The following SLC38A9 variants were observed in gnomAD, a reference collection of about 807,000 sequenced individuals.
SLC38A9 encodes solute carrier family 38 member 9, also known as neutral amino acid transporter 9.
SLC38A9 carries 48 observed loss-of-function variants against 62.3 expected under a neutral mutation model. The ratio of observed to expected loss-of-function variants is 0.77; its 90% CI spans 0.61 to 0.98. The LOEUF is 0.98. Ranked by LOEUF, SLC38A9 falls within the 50% of genes least tolerant of loss-of-function variation. The pLI, the probability that SLC38A9 is intolerant of heterozygous loss-of-function variation, is 0.00. For synonymous variants in SLC38A9, 204 were observed against 227.7 expected (o/e 0.90, Z 0.94); for missense variants, 541 against 679.8 (o/e 0.80, Z 2.27).
chr5:55,660,888 A>T (rs1002965041), intron 8 of SLC38A9, among the ~76,000 whole-genome samples: 1 of 152,196 alleles, frequency 6.6e-6, no homozygotes, highest in African/African-American at 2.4e-5. Context: ...TAGATGATTT[A>T]AAAATGACGG....
chr5:55,666,749 C>G (rs1029655820), intron 7 of SLC38A9, among the ~76,000 whole-genome samples: 1 of 151,712 alleles, frequency 6.6e-6, no homozygotes, highest in Non-Finnish European at 1.5e-5. Context: ...CAAAAATTGC[C>G]AGGCACAGTG....
At position 55,645,880 on chromosome 5, in the gene SLC38A9, A is replaced by G. The variant is rs774469328; in HGVS notation, c.1076T>C (p.Phe359Ser). 53 of 1,604,688 alleles carry G rather than the reference A, an allele frequency of 3.3e-5. No homozygotes were observed. Among genetic ancestry groups the G allele is most frequent in the Middle Eastern group, 1.6e-4 (1 of 6,068 alleles). Residue 359 changes from phenylalanine (F) to serine (S), a missense_variant, in exon 12 of 16, where the codon TTT becomes TCT. By Grantham distance (155) the Phe-to-Ser change is radical (BLOSUM62 -2). Coordinates refer to ENST00000396865, the MANE Select transcript of SLC38A9 (RefSeq NM_173514.4). ...GGTAAGCACTCCAGTCAGCTGTGGA[A>G]ACTGAAATCTTATCTCTAGGAGAAA... ...EFFVPEIRFQ[F>S]PQLTGVLTLA...
At chr5:55,637,595 G>A (rs73123882) in intron 12 of SLC38A9, among the ~76,000 whole-genome samples, 6,435 of 152,212 alleles carry the variant, frequency 0.042, 219 homozygotes, top group African/African-American at 0.091. Context: ...GAGAGACCAC[G>A]TCTTTTTCTT....
chr5:55,684,677 G>A (rs11739117), intron 3 of SLC38A9, among the ~76,000 whole-genome samples: 91,162 of 152,016 alleles, frequency 0.6, 27,922 homozygotes, highest in South Asian at 0.7. Context: ...TTTCTGAGAT[G>A]GAGTCTCACT....
chr5:55,677,687 G>A (rs1159046246), intron 3 of SLC38A9, among the ~76,000 whole-genome samples: 1 of 150,086 alleles, frequency 6.7e-6, no homozygotes, highest in African/African-American at 2.4e-5. Context: ...GTGCACCACC[G>A]TGCCCAGCTA....
rs1742445631 is a variant in SLC38A9, at chr5:55,626,551, G to C, written c.1629C>G (p.Phe543Leu). ...EERLTWPKLIFHVFIIILGVA... is the reference protein window; with the variant it reads ...EERLTWPKLILHVFIIILGVA... ...CGCCCAAAATGATGATGAAAACGTG[G>C]AAGATTAATTTAGGCCATGTCAGAC... is the stretch of plus-strand genomic sequence containing the variant. Residue 543 changes from phenylalanine (F) to leucine (L), a missense_variant, in exon 16 of 16, where the codon TTC becomes TTG. Phe to Leu is a conservative substitution (Grantham distance 22). Transcript: ENST00000396865. The C allele has an allele frequency of 1.2e-6, 2 of 1,613,456 alleles. No individual in the cohort carries two copies. Among genetic ancestry groups the C allele is most frequent in the African/African-American group, 1.3e-5 (1 of 74,842 alleles).
chr5:55,684,420 A>G (rs1315329888), intron 3 of SLC38A9, among the ~76,000 whole-genome samples: 1 of 152,236 alleles, frequency 6.6e-6, no homozygotes, highest in East Asian at 1.9e-4. Flanking sequence ...GACAGGAGCA[A>G]TCCTAGATCA....
At chr5:55,669,644 T>TAA in intron 5 of SLC38A9, 24 bp from the exon 6 acceptor site, 2 of 1,595,536 alleles carry the variant, frequency 1.3e-6, no homozygotes, top group South Asian at 2.3e-5. Flanking sequence ...GTAATAGCAG[T>TAA]AAAAAAATGG....
At chr5:55,687,630 T>C (rs187563895) in intron 3 of SLC38A9, among the ~76,000 whole-genome samples, 180 of 152,228 alleles carry the variant, frequency 1.2e-3, no homozygotes, top group African/African-American at 4.0e-3. Flanking sequence ...CAGTTTGTAG[T>C]TCTCCTTGTA....
chr5:55,652,834 A>T, intron 9 of SLC38A9, 111 bp from the exon 10 acceptor site: 1 of 791,020 alleles, frequency 1.3e-6, no homozygotes, highest in Non-Finnish European at 1.9e-6. Context: ...ACCAACCTCA[A>T]CTCTTCCTAG....
Position 55,649,318 on chromosome 5 carries a change from T to C in SLC38A9, c.953-4A>G. On this transcript the variant is annotated splice_region_variant and splice_polypyrimidine_tract_variant and intron_variant, in intron 10 of 15. Coordinates refer to ENST00000396865, the MANE Select transcript of SLC38A9 (RefSeq NM_173514.4). ...AAATAAAGGACAGACACTGTGCCTG[T>C]GAGGAAAAAATTCAGAAACCATTTA... 1 of 1,533,574 alleles carries C rather than the reference T, an allele frequency of 6.5e-7. No individual in the cohort carries two copies. Among genetic ancestry groups the C allele is most frequent in the Non-Finnish European group, 8.8e-7 (1 of 1,138,468 alleles). The allele number at this position is 1,533,574 out of a possible 1,614,324, so 95.0% of individuals were successfully genotyped here.
At position 55,632,466 on chromosome 5, in the gene SLC38A9, C is replaced by CAA. The variant is rs745573029; in HGVS notation, c.1430+1286_1430+1287dup. 6.9e-3 allele frequency among the ~76,000 whole-genome samples: 1,055 copies of CAA among 152,120 alleles called. 12 individuals are homozygous for CAA. The highest frequency in any genetic ancestry group is 0.024 in the African/African-American group (1,002 of 41,480). Reference sequence around the variant, plus strand: ...AAACAAAAACAAACAACAACAACAACAAAAACTGCATAAATGTTAATGAAT... The same window carrying CAA: ...AAACAAAAACAAACAACAACAACAACAAAAAAACTGCATAAATGTTAATGAAT... On this transcript the variant is annotated intron_variant, in intron 14 of 15. Coordinates refer to ENST00000396865, the MANE Select transcript of SLC38A9 (RefSeq NM_173514.4).
rs557602760 is a variant in SLC38A9 at position 55,654,500 on chromosome 5, G to A, written c.758-1777C>T. ...ATGGGATGTAGTTCCAGCTACTCGGGAGGTGGAGGTGGGAGGATTGCTGAA... is the reference window on the plus strand; with the variant it reads ...ATGGGATGTAGTTCCAGCTACTCGGAAGGTGGAGGTGGGAGGATTGCTGAA... On this transcript the variant is annotated intron_variant, in intron 9 of 15. Coordinates refer to ENST00000396865, the MANE Select transcript of SLC38A9 (RefSeq NM_173514.4). Among the ~76,000 whole-genome samples the A allele has an allele frequency of 3.9e-5, 6 of 152,186 alleles. No homozygotes were observed. The East Asian group carries it at 1.2e-3, about 29-fold the overall frequency.
intron 3 of SLC38A9, among the ~76,000 whole-genome samples, chr5:55,682,555 G>C (rs1473840283): frequency 6.6e-6 from 1 of 152,176 alleles, no homozygotes; most frequent in Non-Finnish European, 1.5e-5. Context: ...CATGAGGACT[G>C]ATTGAGGCCG....
At chr5:55,645,148 CT>C (rs1746123353) in intron 12 of SLC38A9, among the ~76,000 whole-genome samples, 1 of 152,166 alleles carries the variant, frequency 6.6e-6, no homozygotes, top group Non-Finnish European at 1.5e-5. Context: ...ACAGCCTTGG[CT>C]TCCTGGGCTT....
intron 7 of SLC38A9, 115 bp from the exon 8 acceptor site, chr5:55,664,978 C>T (rs1455503334): frequency 9.5e-6 from 5 of 527,778 alleles, no homozygotes; most frequent in South Asian, 3.9e-5. Flanking sequence ...GGTATTCTAT[C>T]GCTAGACATT....
intron 3 of SLC38A9, among the ~76,000 whole-genome samples, chr5:55,694,747 C>T (rs1349596089): frequency 6.9e-6 from 1 of 143,958 alleles, no homozygotes; most frequent in Admixed American, 7.0e-5. Context: ...TTCTCCTCTC[C>T]TCTCCTCTCC....
At chr5:55,633,968 A>G (rs1743945029) in intron 13 of SLC38A9, 66 bp from the exon 14 acceptor site, 2 of 1,278,714 alleles carry the variant, frequency 1.6e-6, no homozygotes, top group Non-Finnish European at 2.2e-6. Flanking sequence ...CATAAAATGG[A>G]ATGTCTTCTG....
In SLC38A9 at chr5:55,667,306, T is replaced by C. The variant is rs77613332; in HGVS notation, c.526+1922A>G. Among the ~76,000 whole-genome samples, 997 of 152,338 alleles carry C rather than the reference T, an allele frequency of 6.5e-3. 13 individuals are homozygous for C. The highest frequency in any genetic ancestry group is 0.023 in the African/African-American group (966 of 41,586). On this transcript the variant is annotated intron_variant, in intron 7 of 15. Coordinates refer to ENST00000396865, the MANE Select transcript of SLC38A9 (RefSeq NM_173514.4). Reference sequence around the variant, plus strand: ...TATTTCTATGTTTTCTTGACTTTAATGAAAACTGCTTTAGCATTTCATAAT... The same window carrying C: ...TATTTCTATGTTTTCTTGACTTTAACGAAAACTGCTTTAGCATTTCATAAT...
Sources: allele counts gnomAD v4.1 joint callset (sites outside exome capture counted in the v4.1 genomes callset), GRCh38; gene constraint gnomAD v4.1.1; transcripts MANE v1.5; gene names NCBI Gene and HGNC (gene_info 2026-07-23, HGNC 2026-07-21).